ACAD10: variants seen among roughly 807,000 people sequenced by gnomAD.
The protein encoded by ACAD10 is acyl-CoA dehydrogenase family member 10.
In ACAD10, 112 loss-of-function variants were observed where a neutral mutation model predicts 116.8. The observed-to-expected ratio is 0.96, with a 90% CI of 0.82 to 1.12. The LOEUF (loss-of-function observed/expected upper bound fraction) is 1.12. ACAD10 is among the 50% of genes most tolerant of loss of function. The probability of loss-of-function intolerance (pLI) is 0.00; values close to 1 mark genes in which losing one functional copy is unlikely to be tolerated. For missense variants in ACAD10, 1,259 were observed against 1,350.2 expected, an observed-to-expected ratio of 0.93 and a Z score of 1.06; for synonymous variants, 486 against 510.6, an observed-to-expected ratio of 0.95 and a Z score of 0.65.
rs528046637 is a variant in ACAD10, at chr12:111,689,017, C to T, written c.-14+2778C>T. Among the ~76,000 whole-genome samples the T allele has an allele frequency of 1.8e-4, 27 of 151,836 alleles. No homozygotes were observed. In the South Asian group the frequency reaches 4.2e-3, roughly 23 times the overall value. On this transcript the variant is annotated intron_variant, in intron 1 of 20. Coordinates refer to ENST00000313698, the MANE Select transcript of ACAD10 (RefSeq NM_025247.6). ...ACCATTCTGGCCAACATGGTGAAAT[C>T]CTGTCTCCAGTAAAAACACAAAAAT...
chr12:111,724,686 C>T lies in ACAD10; in HGVS notation c.1061+2947C>T, dbSNP rs549125589. 3.4e-4 allele frequency among the ~76,000 whole-genome samples: 51 copies of T among 151,016 alleles called. 1 individual carries two copies. Among genetic ancestry groups the T allele is most frequent in the African/African-American group, 1.2e-3 (49 of 41,310 alleles). ...GCGCGTGCCTGCAATTGCAGGCACT[C>T]GGCAGGCTGAGGCAGGAGAATCAGG... On this transcript the variant is annotated intron_variant, in intron 8 of 20. Coordinates refer to ENST00000313698, the MANE Select transcript of ACAD10 (RefSeq NM_025247.6).
At chr12:111,691,389 C>T (rs1259891846) in intron 1 of ACAD10, among the ~76,000 whole-genome samples, 1 of 152,042 alleles carries the variant, frequency 6.6e-6, no homozygotes, top group East Asian at 1.9e-4. Context: ...CCTAATGAGT[C>T]TTTTCTGGTA....
At chr12:111,724,587 G>A (rs928384236) in intron 8 of ACAD10, among the ~76,000 whole-genome samples, 1 of 152,208 alleles carries the variant, frequency 6.6e-6, no homozygotes. Context: ...CGGATCACTC[G>A]CGGTTAGGGG....
intron 7 of ACAD10, 76 bp from the exon 8 acceptor site, chr12:111,721,591 CAAAA>C: frequency 2.2e-6 from 3 of 1,357,594 alleles, no homozygotes; most frequent in Non-Finnish European, 3.1e-6. Flanking sequence ...AACAAACAAA[CAAAA>C]AACAAAGAAA....
At chr12:111,709,975 AG>A in intron 5 of ACAD10, 1 of 378,648 alleles carries the variant, frequency 2.6e-6, no homozygotes, top group Non-Finnish European at 4.8e-6. Flanking sequence ...CTCATGATCC[AG>A]TGATGCTGCC....
intron 10 of ACAD10, among the ~76,000 whole-genome samples, chr12:111,731,462 G>C (rs892978250): frequency 1.3e-5 from 2 of 152,166 alleles, no homozygotes; most frequent in African/African-American, 4.8e-5. Flanking sequence ...GGTGGCCTTT[G>C]TGTCACCAGC....
At chr12:111,724,686 C>A (rs549125589) in intron 8 of ACAD10, among the ~76,000 whole-genome samples, 4 of 151,014 alleles carry the variant, frequency 2.6e-5, no homozygotes, top group East Asian at 4.0e-4. Flanking sequence ...TGCAGGCACT[C>A]GGCAGGCTGA....
intron 11 of ACAD10, 56 bp from the exon 12 acceptor site, chr12:111,736,775 C>T (rs1433147282): frequency 8.4e-6 from 13 of 1,546,534 alleles, no homozygotes; most frequent in Non-Finnish European, 9.6e-6. Flanking sequence ...TATTTGCCAG[C>T]CACAGGGGCG....
At chr12:111,746,792 G>A (rs899326886) in intron 14 of ACAD10, among the ~76,000 whole-genome samples, 4 of 152,194 alleles carry the variant, frequency 2.6e-5, no homozygotes, top group Non-Finnish European at 5.9e-5. Context: ...CTTGAGGCCA[G>A]GAGTTCGACA....
chr12:111,706,119 G>T (rs762806674), intron 4 of ACAD10, among the ~76,000 whole-genome samples, 187 bp downstream of exon 4: 1 of 152,172 alleles, frequency 6.6e-6, no homozygotes, highest in Non-Finnish European at 1.5e-5. Flanking sequence ...TTCTTAGCAA[G>T]GTCAGACATT....
In ACAD10 at chr12:111,715,910, A is replaced by T; in HGVS notation, c.940A>T (p.Lys314Ter). 2 of 1,614,106 alleles carry T rather than the reference A, an allele frequency of 1.2e-6. No homozygotes were observed. Among genetic ancestry groups the T allele is most frequent in the Non-Finnish European group, 1.7e-6 (2 of 1,179,994 alleles). Residue 314 changes from lysine to a stop codon, truncating the protein, a stop_gained, in exon 7 of 21, where the codon AAG becomes TAG. Coordinates refer to ENST00000313698, the MANE Select transcript of ACAD10 (RefSeq NM_025247.6). LOFTEE classifies it high-confidence loss of function. ...TAATCGTGATCTAGTTCTGAGGAAG[A>T]AGCCCCCAGGGACACTCCTTCCATC... Reference protein sequence around the residue: ...LANRDLVLRKKPPGTLLPSAH... With the variant: ...LANRDLVLRK
At chr12:111,695,301 T>G (rs2135944090) in intron 2 of ACAD10, among the ~76,000 whole-genome samples, 1 of 152,318 alleles carries the variant, frequency 6.6e-6, no homozygotes, top group Non-Finnish European at 1.5e-5. Context: ...ATGGCAAATT[T>G]AAGGGGATAT....
Position 111,749,359 on chromosome 12 carries a change from C to T in ACAD10, c.2817+14C>T. 1 of 1,604,956 alleles carries T rather than the reference C, an allele frequency of 6.2e-7. No individual in the cohort carries two copies. The highest frequency in any genetic ancestry group is 8.5e-7 in the Non-Finnish European group (1 of 1,174,828). On this transcript the variant is annotated intron_variant, in intron 18 of 20. Coordinates refer to ENST00000313698, the MANE Select transcript of ACAD10 (RefSeq NM_025247.6). ...ATGAAGGCCCGCGTGAGTGCTTTCC[C>T]CCGCACCCAGCACTGACTCAGAACC...
chr12:111,705,661 A>G (rs529031476), intron 3 of ACAD10, 77 bp from the exon 4 acceptor site: 70 of 1,232,726 alleles, frequency 5.7e-5, no homozygotes, highest in Non-Finnish European at 7.7e-5. Context: ...AGGAATAAGC[A>G]TTTTTTTTTT....
chr12:111,722,881 G>A (rs1344163961), intron 8 of ACAD10, among the ~76,000 whole-genome samples: 1 of 151,984 alleles, frequency 6.6e-6, no homozygotes, highest in Non-Finnish European at 1.5e-5. Context: ...ATCCTGGCCC[G>A]TTCTCAATGA....
At chr12:111,688,988 C>A (rs1004779894) in intron 1 of ACAD10, among the ~76,000 whole-genome samples, 1 of 151,954 alleles carries the variant, frequency 6.6e-6, no homozygotes, top group South Asian at 2.1e-4. Flanking sequence ...GTCAAGAGAT[C>A]GAGACCATTC....
intron 10 of ACAD10, 47 bp downstream of exon 10, chr12:111,730,003 C>T (rs369143377): frequency 1.1e-5 from 17 of 1,590,576 alleles, no homozygotes; most frequent in Non-Finnish European, 1.5e-5. Flanking sequence ...CAAGGATGCT[C>T]CAAGGGGGAA....
At chr12:111,695,578 CA>C (rs1340051346) in intron 2 of ACAD10, among the ~76,000 whole-genome samples, 1 of 152,140 alleles carries the variant, frequency 6.6e-6, no homozygotes, top group African/African-American at 2.4e-5. Context: ...GTTAGCTCTG[CA>C]GGCTGGCTCA....
At chr12:111,714,721 AT>A (rs1173732287) in intron 6 of ACAD10, among the ~76,000 whole-genome samples, 1 of 149,914 alleles carries the variant, frequency 6.7e-6, no homozygotes, top group Non-Finnish European at 1.5e-5. Flanking sequence ...ATTAAATTAA[AT>A]TTTTTTTGAG....
Sources: allele counts gnomAD v4.1 joint callset (sites outside exome capture counted in the v4.1 genomes callset), GRCh38; gene constraint gnomAD v4.1.1; transcripts MANE v1.5; gene names NCBI Gene and HGNC (gene_info 2026-07-23, HGNC 2026-07-21).